Variants in HNRNPM observed in about 807,000 individuals in gnomAD.
HNRNPM encodes the protein heterogeneous nuclear ribonucleoprotein M.
HNRNPM carries 11 observed loss-of-function variants against 73.1 expected under a neutral mutation model. The ratio of observed to expected loss-of-function variants is 0.15; its 90% CI spans 0.09 to 0.25. The LOEUF is 0.25. HNRNPM is among the 10% of genes least tolerant of loss of function. The pLI is 1.00. For synonymous variants in HNRNPM, 407 were observed against 355.2 expected, an observed-to-expected ratio of 1.15 and a Z score of -1.64; for missense variants, 789 against 1,067.9, an observed-to-expected ratio of 0.74 and a Z score of 3.64.
intron 13 of HNRNPM, among the ~76,000 whole-genome samples, chr19:8,485,292 GGAATT>G (rs995251757): frequency 6.6e-6 from 1 of 152,146 alleles, no homozygotes; most frequent in Non-Finnish European, 1.5e-5. Context: ...AGATGTCTCA[GGAATT>G]GACGTCCATG....
intron 2 of HNRNPM, among the ~76,000 whole-genome samples, chr19:8,459,606 A>G (rs143462577): frequency 5.3e-5 from 8 of 152,348 alleles, no homozygotes; most frequent in African/African-American, 1.9e-4. Flanking sequence ...GTCTTATAAC[A>G]TGTGAATTCT....
intron 6 of HNRNPM, 29 bp downstream of exon 6, chr19:8,465,544 A>G (rs781012755): frequency 1.4e-6 from 2 of 1,409,488 alleles, no homozygotes; most frequent in Non-Finnish European, 2.0e-6. Flanking sequence ...CGTCTAAAGT[A>G]GAAAATCAGA....
At chr19:8,448,473 ATTT>A (rs33965463) in intron 1 of HNRNPM, among the ~76,000 whole-genome samples, 3 of 142,588 alleles carry the variant, frequency 2.1e-5, no homozygotes, top group Admixed American at 7.0e-5. Flanking sequence ...TTCCTGAGTA[ATTT>A]TTTTTTTTTT....
Position 8,465,551 on chromosome 19 carries a change from C to G in HNRNPM, c.630+36C>G, listed in dbSNP as rs372920373. On this transcript the variant is annotated intron_variant, in intron 6 of 15. Coordinates refer to ENST00000325495, the MANE Select transcript of HNRNPM (RefSeq NM_005968.5). ...AGAACCATCGTCTAAAGTAGAAAAT[C>G]AGAACTTTATGAAATGACCTTGTCA... The G allele has an allele frequency of 3.6e-5, 49 of 1,363,410 alleles. No individual in the cohort carries two copies. The African/African-American group carries it at 6.3e-4, about 18-fold the overall frequency. The allele number at this position is 1,363,410 out of a possible 1,614,324, so 84.5% of individuals were successfully genotyped here. A position where few individuals can be genotyped will look rare whatever the true frequency, so the allele number is the denominator to read the frequency against.
chr19:8,467,361 C>G (rs559886632), intron 7 of HNRNPM, among the ~76,000 whole-genome samples, 174 bp from the exon 8 acceptor site: 9 of 152,274 alleles, frequency 5.9e-5, no homozygotes, highest in African/African-American at 2.2e-4. Flanking sequence ...TCCCCGCCAG[C>G]TTTATTTATT....
chr19:8,474,593 C>G lies in HNRNPM; in HGVS notation c.1120+349C>G, dbSNP rs145508950. 5.7e-3 allele frequency among the ~76,000 whole-genome samples: 869 copies of G among 152,124 alleles called. 12 individuals are homozygous for G. Among genetic ancestry groups the G allele is most frequent in the African/African-American group, 0.02 (829 of 41,480 alleles). On this transcript the variant is annotated intron_variant, in intron 12 of 15. Transcript: ENST00000325495. ...TCTGGGAGTGCTGCAAAGGGTTGTT[C>G]TTGGTCATCTGCCCCAGCTACAAGT... is the stretch of plus-strand genomic sequence containing the variant.
chr19:8,477,660 CAAAAAAAAAAAAAAAAAA>C (rs35193948), intron 12 of HNRNPM, among the ~76,000 whole-genome samples: 60 of 117,060 alleles, frequency 5.1e-4, no homozygotes, highest in East Asian at 1.5e-3. Context: ...AACCCTGTCT[CAAAAAAAAAAAAAAAAAA>C]AAAAAAAAAA....
intron 5 of HNRNPM, among the ~76,000 whole-genome samples, chr19:8,464,641 A>G (rs576774451): frequency 1.3e-5 from 2 of 152,320 alleles, no homozygotes; most frequent in Non-Finnish European, 2.9e-5. Flanking sequence ...TCAAAAAAAC[A>G]TCCCTCTTAA....
At chr19:8,460,325 C>A (rs1171274487) in intron 2 of HNRNPM, among the ~76,000 whole-genome samples, 1 of 152,126 alleles carries the variant, frequency 6.6e-6, no homozygotes, top group Non-Finnish European at 1.5e-5. Flanking sequence ...ATTGCAGATC[C>A]CTTAACACTT....
chr19:8,446,633 G>A (rs1968207508), intron 1 of HNRNPM, among the ~76,000 whole-genome samples: 1 of 152,128 alleles, frequency 6.6e-6, no homozygotes, highest in African/African-American at 2.4e-5. Context: ...AAACTCCTGG[G>A]TTCAAGCCAT....
intron 12 of HNRNPM, among the ~76,000 whole-genome samples, chr19:8,475,806 G>A (rs1970459979): frequency 1.3e-5 from 2 of 151,948 alleles, no homozygotes; most frequent in South Asian, 4.1e-4. Flanking sequence ...GCTGGCTCAC[G>A]CCTGTAATCC....
chr19:8,472,542 T>C (rs1235340858), intron 10 of HNRNPM, among the ~76,000 whole-genome samples: 1 of 152,190 alleles, frequency 6.6e-6, no homozygotes, highest in African/African-American at 2.4e-5. Flanking sequence ...CTTGGTGTTT[T>C]TAGGAACTGG....
chr19:8,455,745 G>GT (rs34467960), intron 2 of HNRNPM, among the ~76,000 whole-genome samples, 171 bp downstream of exon 2: 34,191 of 143,992 alleles, frequency 0.24, 4,611 homozygotes, highest in East Asian at 0.49. Context: ...TTTGTTTTGT[G>GT]TTTTTTTTTT....
intron 8 of HNRNPM, 24 bp from the exon 9 acceptor site, chr19:8,468,748 ATT>A (rs768723395): frequency 1.3e-6 from 2 of 1,598,684 alleles, no homozygotes; most frequent in Non-Finnish European, 1.7e-6. Flanking sequence ...GGATACTGAG[ATT>A]TGTTTGTTTT....
intron 10 of HNRNPM, 59 bp from the exon 11 acceptor site, chr19:8,473,605 T>A: frequency 9.6e-7 from 1 of 1,044,920 alleles, no homozygotes; most frequent in Non-Finnish European, 1.5e-6. Context: ...CTTTTTAAGT[T>A]CAAACGTTAT....
chr19:8,474,758 A>G (rs575670336), intron 12 of HNRNPM, among the ~76,000 whole-genome samples: 1 of 147,450 alleles, frequency 6.8e-6, no homozygotes, highest in Non-Finnish European at 1.5e-5. Flanking sequence ...TCTGTCACCT[A>G]GGCTGGAGTG....
Position 8,444,982 on chromosome 19 carries a change from G to T in HNRNPM, c.-17G>T. 4 of 1,397,472 alleles carry T rather than the reference G, an allele frequency of 2.9e-6. No individual in the cohort carries two copies. The highest frequency in any genetic ancestry group is 1.7e-5 in the South Asian group (1 of 59,530). 86.6% of individuals were successfully genotyped at this position (1,397,472 alleles called of 1,614,324 possible). A position where few individuals can be genotyped will look rare whatever the true frequency, so the allele number is the denominator to read the frequency against. On this transcript the variant is annotated 5_prime_UTR_variant, in exon 1 of 16. Coordinates refer to ENST00000325495, the MANE Select transcript of HNRNPM (RefSeq NM_005968.5). ...GGTGCAGCCCGTTCGCTCACACAAA[G>T]CCCAGACGCGGAGAAAATGGCGGCA...
chr19:8,479,297 C>G (rs1011707288), intron 12 of HNRNPM, among the ~76,000 whole-genome samples: 1 of 151,822 alleles, frequency 6.6e-6, no homozygotes, highest in Admixed American at 6.6e-5. Context: ...CCAGGCTGGT[C>G]TTGAGTCCTG....
At position 8,485,631 on chromosome 19, in the gene HNRNPM, CGAGAGGATGGGTCCTGGCATT is replaced by C. The variant is rs1568302162; in HGVS notation, c.1206_1226del (p.Glu402_Ile408del). 6.2e-7 allele frequency: 1 copy of C among 1,603,230 alleles called. No homozygotes were observed. Among genetic ancestry groups the C allele is most frequent in the Admixed American group, 1.7e-5 (1 of 59,878 alleles). On this transcript the variant is annotated inframe_deletion, in exon 14 of 16. Coordinates refer to ENST00000325495, the MANE Select transcript of HNRNPM (RefSeq NM_005968.5). ...GAGGTGGAGGAAGCGTCCCTGGGAT[CGAGAGGATGGGTCCTGGCATT>C]GACCGCCTCGGGGGTGCCGGCATGG... is the stretch of plus-strand genomic sequence containing the variant.
Sources: allele counts gnomAD v4.1 joint callset (sites outside exome capture counted in the v4.1 genomes callset), GRCh38; gene constraint gnomAD v4.1.1; transcripts MANE v1.5; gene names NCBI Gene and HGNC (gene_info 2026-07-23, HGNC 2026-07-21).